The following MEF2A variants were observed in gnomAD, a reference collection of about 807,000 sequenced individuals.
MEF2A encodes myocyte-specific enhancer factor 2A.
MEF2A carries 28 observed loss-of-function variants against 55.8 expected under a neutral mutation model. The observed-to-expected ratio is 0.50, with a 90% CI of 0.37 to 0.69. The LOEUF is 0.69. MEF2A is among the 30% of genes least tolerant of loss of function. MEF2A has a pLI of 0.00. For synonymous variants in MEF2A, 239 were observed against 227.1 expected (o/e 1.05, Z -0.47); for missense variants, 528 against 626.2 (o/e 0.84, Z 1.67).
At position 99,588,383 on chromosome 15, in the gene MEF2A, C is replaced by T. The variant is rs180822641; in HGVS notation, c.-224-10047C>T. Among the ~76,000 whole-genome samples the T allele has an allele frequency of 5.0e-3, 762 of 152,128 alleles. 7 individuals are homozygous for T. Among genetic ancestry groups the T allele is most frequent in the Non-Finnish European group, 7.8e-3 (532 of 67,980 alleles). ...GTGGCACGATCTTGGCTCACTGCAA[C>T]CTCTGCTTCCTGGGTTCAAGCAATT... is the stretch of plus-strand genomic sequence containing the variant. On this transcript the variant is annotated intron_variant, in intron 1 of 11. Transcript: ENST00000557942.
At chr15:99,648,460 CAT>C (rs1441542994) in intron 4 of MEF2A, among the ~76,000 whole-genome samples, 2 of 152,044 alleles carry the variant, frequency 1.3e-5, no homozygotes, top group African/African-American at 4.8e-5. Flanking sequence ...TTAGCCATCT[CAT>C]GTGGTTGAAA....
At chr15:99,696,485 CAACAT>C (rs2056501651) in intron 8 of MEF2A, among the ~76,000 whole-genome samples, 1 of 151,986 alleles carries the variant, frequency 6.6e-6, no homozygotes. Context: ...AGACATTAAA[CAACAT>C]ATTTTAACCC....
Position 99,712,672 on chromosome 15 carries a change from C to A in MEF2A, c.1419C>A (p.Gly473=), listed in dbSNP as rs752786067. 1 of 1,558,142 alleles carries A rather than the reference C, an allele frequency of 6.4e-7. No individual in the cohort carries two copies. ...YDGSDREDPR[G]DFHSPIVLGR... is the part of the protein sequence containing the mutation. ...GCAGTGATCGGGAGGATCCACGGGG[C>A]GACTTCCATTCTCCAATTGTGCTTG... Residue 473 remains glycine (G), a synonymous_variant, in exon 12 of 12, where the codon GGC becomes GGA. Transcript: ENST00000557942. This position sits in a 1 kb window ranked among gnomAD's most constrained non-coding sequence, Gnocchi z 4.1.
upstream of MEF2A, chr15:99,565,937 T>G (rs569618689): frequency 6.6e-6 from 1 of 152,182 alleles, no homozygotes; most frequent in African/African-American, 2.4e-5. Flanking sequence ...CAGAACGAGT[T>G]CCGGTCTGGC....
intron 7 of MEF2A, among the ~76,000 whole-genome samples, chr15:99,679,974 G>A (rs1275181023): frequency 6.6e-6 from 1 of 152,094 alleles, no homozygotes; most frequent in African/African-American, 2.4e-5. Flanking sequence ...TGAGTCTTTG[G>A]ACATTGTTGT....
Position 99,688,105 on chromosome 15 carries a change from T to C in MEF2A, c.671-2136T>C, listed in dbSNP as rs148654830. Among the ~76,000 whole-genome samples the C allele has an allele frequency of 4.2e-3, 633 of 152,384 alleles. 6 individuals carry two copies. Among genetic ancestry groups the C allele is most frequent in the African/African-American group, 0.015 (609 of 41,592 alleles). On this transcript the variant is annotated intron_variant, in intron 7 of 11. Coordinates refer to ENST00000557942, the MANE Select transcript of MEF2A (RefSeq NM_001319206.4). The stretch of plus-strand genomic sequence containing the variant: ...ATCTTTTATTCTTCTCTGCTTTATT[T>C]GTGATTTACTTTGAAATTGAAATAC...
At chr15:99,647,572 G>C (rs1349398521) in intron 4 of MEF2A, among the ~76,000 whole-genome samples, 1 of 152,128 alleles carries the variant, frequency 6.6e-6, no homozygotes. Context: ...AGAATTTTCA[G>C]ACTACCTCAA....
At chr15:99,707,757 T>A (rs1190519753) in intron 10 of MEF2A, among the ~76,000 whole-genome samples, 1 of 152,204 alleles carries the variant, frequency 6.6e-6, no homozygotes, top group Non-Finnish European at 1.5e-5. Context: ...TTCTCCTGAG[T>A]GTCATAAGTA....
chr15:99,618,937 G>A (rs1250857583), intron 2 of MEF2A, among the ~76,000 whole-genome samples: 1 of 152,218 alleles, frequency 6.6e-6, no homozygotes, highest in Admixed American at 6.5e-5. Context: ...AGGCATGTGT[G>A]AAATTTAAAT....
intron 2 of MEF2A, among the ~76,000 whole-genome samples, chr15:99,604,140 C>A (rs1364674776): frequency 6.6e-5 from 10 of 152,002 alleles, no homozygotes; most frequent in Non-Finnish European, 1.5e-4. Context: ...TTATGATGGG[C>A]CTTGTATGGT....
chr15:99,699,430 T>G (rs2057032392), intron 8 of MEF2A, among the ~76,000 whole-genome samples: 1 of 152,112 alleles, frequency 6.6e-6, no homozygotes, highest in Non-Finnish European at 1.5e-5. Flanking sequence ...TAATAGGGAA[T>G]TTTTGAGGTG....
At chr15:99,710,496 G>A in intron 10 of MEF2A, 138 bp from the exon 11 acceptor site, 1 of 1,026,072 alleles carries the variant, frequency 9.7e-7, no homozygotes, top group Admixed American at 2.3e-5. Context: ...GCCCATCTTG[G>A]CCTCCCAAAG....
chr15:99,595,938 C>A (rs1414197970), intron 1 of MEF2A, among the ~76,000 whole-genome samples: 3 of 151,986 alleles, frequency 2.0e-5, no homozygotes, highest in African/African-American at 4.8e-5. Context: ...AGGCTGTCTC[C>A]CTTTTAGGTG....
At chr15:99,593,380 T>G (rs1970018293) in intron 1 of MEF2A, among the ~76,000 whole-genome samples, 1 of 152,174 alleles carries the variant, frequency 6.6e-6, no homozygotes, top group South Asian at 2.1e-4. Flanking sequence ...GTTTTAAAAT[T>G]GTAGTTTTAT....
At chr15:99,627,213 G>T (rs2042180150) in intron 2 of MEF2A, among the ~76,000 whole-genome samples, 1 of 151,806 alleles carries the variant, frequency 6.6e-6, no homozygotes, top group South Asian at 2.1e-4. Context: ...GAAAAAGTGG[G>T]AGTTTGAGAT....
In MEF2A at chr15:99,604,714, T is replaced by G. The variant is rs182210808; in HGVS notation, c.-143+6203T>G. 3.3e-5 allele frequency among the ~76,000 whole-genome samples: 5 copies of G among 151,892 alleles called. No individual in the cohort carries two copies. The South Asian group carries it at 6.2e-4, about 19-fold the overall frequency. On this transcript the variant is annotated intron_variant, in intron 2 of 11. Transcript: ENST00000557942. ...TTGTTGGGCTTAGGGGTTTTGTTTT[T>G]TTTTTTTGGTATCTTCTATATAGTG...
intron 9 of MEF2A, 134 bp from the exon 10 acceptor site, chr15:99,706,595 A>C (rs1437929704): frequency 5.6e-6 from 5 of 892,052 alleles, no homozygotes; most frequent in Non-Finnish European, 7.0e-6. Flanking sequence ...GTATTTTTGA[A>C]GTTTTCACAT....
chr15:99,686,633 C>T (rs368553632), intron 7 of MEF2A, among the ~76,000 whole-genome samples: 15 of 152,218 alleles, frequency 9.9e-5, no homozygotes, highest in African/African-American at 3.4e-4. Flanking sequence ...GATGCTTTTG[C>T]CTCTCAGCTC....
At chr15:99,651,204 T>G (rs928079261) in intron 4 of MEF2A, among the ~76,000 whole-genome samples, 2 of 152,146 alleles carry the variant, frequency 1.3e-5, no homozygotes, top group African/African-American at 4.8e-5. Context: ...GAGGGGTGCT[T>G]CTTTGAGAGG....
Sources: allele counts gnomAD v4.1 joint callset (sites outside exome capture counted in the v4.1 genomes callset), GRCh38; gene constraint gnomAD v4.1.1; non-coding constraint Gnocchi (gnomAD v3.1); transcripts MANE v1.5; gene names NCBI Gene and HGNC (gene_info 2026-07-23, HGNC 2026-07-21).